The following ALX1 variants were observed in gnomAD, a reference collection of about 807,000 sequenced individuals.
ALX1 encodes the protein ALX homeobox 1, also known as ALX homeobox protein 1.
In ALX1, 19 loss-of-function variants were observed where a neutral mutation model predicts 31.7. That is an observed-to-expected ratio of 0.60 (90% confidence interval 0.42 to 0.88). The LOEUF (loss-of-function observed/expected upper bound fraction) is 0.88. Ranked by LOEUF, ALX1 falls within the 40% of genes least tolerant of loss-of-function variation. The pLI is 0.00. For missense variants in ALX1, 415 were observed against 407.8 expected (o/e 1.02, Z -0.15); for synonymous variants, 153 against 148.8 (o/e 1.03, Z -0.20).
chr12:85,286,708 T>A, intron 2 of ALX1, 145 bp from the exon 3 acceptor site: 1 of 779,388 alleles, frequency 1.3e-6, no homozygotes, highest in Non-Finnish European at 2.0e-6. Context: ...AAGTAAAATC[T>A]GTGGATCCTT....
chr12:85,295,935 A>G (rs1896882073), intron 3 of ALX1, among the ~76,000 whole-genome samples: 1 of 151,228 alleles, frequency 6.6e-6, no homozygotes, highest in Non-Finnish European at 1.5e-5. Flanking sequence ...TTTCTATGAA[A>G]TTTGATAGTG....
Position 85,283,752 on chromosome 12 carries a change from G to T in ALX1, c.407G>T (p.Arg136Leu). The change falls in exon 2 of 4, where the codon CGA (arginine) becomes CTA (leucine). Residue 136 changes from arginine to leucine, a missense_variant. Arg to Leu is a moderately radical substitution (Grantham distance 102, BLOSUM62 -2). Around this residue, in one of 3 missense-constraint regions of ALX1, gnomAD observed 235 missense variants for 208.9 expected, o/e 1.13. Transcript: ENST00000316824. Reference sequence around the variant, plus strand: ...TCCAGCAGTAAGAAACGGAGGCACCGAACCACCTTCACCAGTTTGCAGCTA... The same window carrying T: ...TCCAGCAGTAAGAAACGGAGGCACCTAACCACCTTCACCAGTTTGCAGCTA... ...NVSSSKKRRH[R>L]TTFTSLQLEE... 1 of 1,614,050 alleles carries T rather than the reference G, an allele frequency of 6.2e-7. No homozygotes were observed. Among genetic ancestry groups the T allele is most frequent in the Non-Finnish European group, 8.5e-7 (1 of 1,179,984 alleles).
Position 85,301,256 on chromosome 12 carries a change from C to A in ALX1, c.762C>A (p.His254Gln). 1 of 1,614,060 alleles carries A rather than the reference C, an allele frequency of 6.2e-7. No individual in the cohort carries two copies. Among genetic ancestry groups the A allele is most frequent in the South Asian group, 1.1e-5 (1 of 91,070 alleles). Residue 254 changes from histidine to glutamine, a missense_variant, in exon 4 of 4, where the codon CAC becomes CAA. This residue lies in a region of ALX1 where 174 missense variants were observed against 177.5 expected (regional missense o/e 0.98). Transcript: ENST00000316824. ...DTSSCMTPYS[H>Q]SPRTDSSYTG... ...CCTCCTGTATGACACCTTATTCTCA[C>A]TCGCCTCGGACAGATTCCAGTTACA...
In ALX1 at chr12:85,283,582, G is replaced by T. The variant is rs143246153; in HGVS notation, c.237G>T (p.Gly79=). Residue 79 remains glycine, a synonymous_variant, in exon 2 of 4, where the codon GGG becomes GGT. Transcript: ENST00000316824. ...CTCCTCTGGGTACAGTGAACTATGG[G>T]ATCACTAAAGTAGAAGGACAGCCCC... ...SPCQDSSVNY[G]ITKVEGQPLH... 4.3e-6 allele frequency: 7 copies of T among 1,613,924 alleles called. No homozygotes were observed. The African/African-American group carries it at 9.3e-5, about 22-fold the overall frequency.
chr12:85,287,557 A>T (rs1163091044), intron 3 of ALX1, among the ~76,000 whole-genome samples: 1 of 151,498 alleles, frequency 6.6e-6, no homozygotes, highest in Non-Finnish European at 1.5e-5. Flanking sequence ...TAATTTTAAA[A>T]GTTAATCACA....
At chr12:85,298,736 C>A (rs950984398) in intron 3 of ALX1, among the ~76,000 whole-genome samples, 6 of 151,854 alleles carry the variant, frequency 4.0e-5, no homozygotes, top group South Asian at 2.1e-4. Context: ...ATCATATTTA[C>A]TTTACCAGTC....
chr12:85,285,104 A>G (rs1178579054), intron 2 of ALX1, among the ~76,000 whole-genome samples: 2 of 152,044 alleles, frequency 1.3e-5, no homozygotes, highest in Non-Finnish European at 2.9e-5. Flanking sequence ...TAAGTTTGAG[A>G]TTTTTGTCTT....
At chr12:85,287,416 C>T (rs1195480288) in intron 3 of ALX1, among the ~76,000 whole-genome samples, 1 of 150,096 alleles carries the variant, frequency 6.7e-6, no homozygotes, top group African/African-American at 2.4e-5. Context: ...GCCTATTAAG[C>T]CCTTAACTCC....
Position 85,282,528 on chromosome 12 carries a change from A to T in ALX1, c.227-1044A>T, listed in dbSNP as rs192029456. Among the ~76,000 whole-genome samples, 919 of 152,270 alleles carry T rather than the reference A, an allele frequency of 6.0e-3. 7 individuals carry two copies. Among genetic ancestry groups the T allele is most frequent in the African/African-American group, 0.021 (887 of 41,556 alleles). On this transcript the variant is annotated intron_variant, in intron 1 of 3. Transcript: ENST00000316824. ...AAAAATACATTATGGGGGTAATTTT[A>T]AAAAAAGAAACAAATGAAAAAAGTA...
intron 3 of ALX1, among the ~76,000 whole-genome samples, chr12:85,289,723 A>ACT (rs1896793123): frequency 6.6e-6 from 1 of 151,056 alleles, no homozygotes; most frequent in South Asian, 2.1e-4. Flanking sequence ...TGTGGCTGCA[A>ACT]CTCCCCACTG....
Position 85,283,348 on chromosome 12 carries a change from C to T in ALX1, c.227-224C>T, listed in dbSNP as rs140341954. ...TTATAAATCCTGTAAAATAGAACTG[C>T]GGATTTTGGCAGATCATAGCAGTTG... On this transcript the variant is annotated intron_variant, in intron 1 of 3. Transcript: ENST00000316824. Among the ~76,000 whole-genome samples the T allele has an allele frequency of 3.9e-3, 594 of 152,162 alleles. 3 individuals are homozygous for T. Among genetic ancestry groups the T allele is most frequent in the African/African-American group, 0.013 (558 of 41,516 alleles).
At chr12:85,296,234 TACCCA>T in intron 3 of ALX1, among the ~76,000 whole-genome samples, 1 of 151,586 alleles carries the variant, frequency 6.6e-6, no homozygotes, top group African/African-American at 2.4e-5. Context: ...AATAATTTTC[TACCCA>T]TAACTTACTG....
chr12:85,288,932 G>A (rs1896782921), intron 3 of ALX1, among the ~76,000 whole-genome samples: 1 of 151,380 alleles, frequency 6.6e-6, no homozygotes, highest in Non-Finnish European at 1.5e-5. Context: ...ATGGAGAATG[G>A]TTTATATCAT....
intron 3 of ALX1, among the ~76,000 whole-genome samples, chr12:85,295,604 T>C (rs1000664655): frequency 1.3e-5 from 2 of 151,586 alleles, no homozygotes; most frequent in Admixed American, 1.3e-4. Flanking sequence ...TGCTATAACA[T>C]CATCACAAGT....
At chr12:85,287,715 T>A (rs961084259) in intron 3 of ALX1, among the ~76,000 whole-genome samples, 1 of 151,528 alleles carries the variant, frequency 6.6e-6, no homozygotes, top group African/African-American at 2.4e-5. Context: ...TGTTTGTCTT[T>A]CTAATTTATT....
At chr12:85,288,821 A>G (rs1389302828) in intron 3 of ALX1, among the ~76,000 whole-genome samples, 2 of 151,456 alleles carry the variant, frequency 1.3e-5, no homozygotes, top group Non-Finnish European at 3.0e-5. Context: ...ATATATTTAA[A>G]TGATACCAAA....
intron 3 of ALX1, among the ~76,000 whole-genome samples, chr12:85,298,012 A>G (rs1896911692): frequency 6.6e-6 from 1 of 151,734 alleles, no homozygotes; most frequent in African/African-American, 2.4e-5. Context: ...ACTTTGTATT[A>G]AGGACTTACC....
At chr12:85,298,121 G>C (rs191900633) in intron 3 of ALX1, among the ~76,000 whole-genome samples, 60 of 151,608 alleles carry the variant, frequency 4.0e-4, no homozygotes, top group African/African-American at 1.3e-3. Flanking sequence ...ACAAAGTAGG[G>C]ATAATGAGTA....
intron 3 of ALX1, among the ~76,000 whole-genome samples, chr12:85,289,951 G>A (rs993452834): frequency 1.3e-5 from 2 of 150,940 alleles, no homozygotes; most frequent in African/African-American, 4.8e-5. Context: ...ATAAGACATT[G>A]GATTTGGTGA....
Sources: gnomAD v4.1 joint callset for allele counts (sites outside exome capture counted in the v4.1 genomes callset) on GRCh38, gnomAD v4.1.1 for gene constraint, gnomAD v4.1.1 regional missense constraint, MANE v1.5 for transcripts, NCBI Gene and HGNC (gene_info 2026-07-23, HGNC 2026-07-21) for gene names.